Variants in RAI14 observed in about 807,000 individuals in gnomAD.
RAI14 encodes the protein retinoic acid induced 14, also known as ankycorbin.
RAI14 carries 45 observed loss-of-function variants against 115.4 expected under a neutral mutation model. That is an observed-to-expected ratio of 0.39 (90% CI 0.31 to 0.50). The LOEUF (loss-of-function observed/expected upper bound fraction) is 0.50, where lower values mean the gene tolerates loss of function less well. Among genes scored for constraint, RAI14 ranks in the 20% least tolerant of loss-of-function variants. The probability of loss-of-function intolerance (pLI) is 0.85; values close to 1 mark genes in which losing one functional copy is unlikely to be tolerated. For synonymous variants in RAI14, 371 were observed against 415.4 expected (o/e 0.89, Z 1.30); for missense variants, 939 against 1,131.2 (o/e 0.83, Z 2.44).
intron 4 of RAI14, among the ~76,000 whole-genome samples, chr5:34,799,533 C>G (rs1182758854): frequency 1.3e-5 from 1 of 76,148 alleles, no homozygotes; most frequent in Non-Finnish European, 2.7e-5. Flanking sequence ...CACACACACA[C>G]ACACACAAAA....
chr5:34,664,415 A>C lies in RAI14; in HGVS notation c.-49+7940A>C, dbSNP rs1235595534. 1.7e-4 allele frequency among the ~76,000 whole-genome samples: 7 copies of C among 42,358 alleles called. No homozygotes were observed. The Admixed American group carries it at 2.1e-3, about 13-fold the overall frequency. The allele number at this position is 42,358 out of a possible 152,430, so 27.8% of individuals were successfully genotyped here. A position where few individuals can be genotyped will look rare whatever the true frequency, so the allele number is the denominator to read the frequency against. On this transcript the variant is annotated intron_variant, in intron 1 of 17. Coordinates refer to ENST00000265109, the MANE Select transcript of RAI14 (RefSeq NM_015577.3). ...CTGGGTGACAGCGAGACACTGTCTC[A>C]AAAAAAAAAAAAAAAGGAAAGAAAA...
At chr5:34,686,775 C>T in intron 1 of RAI14, 97 bp from the exon 2 acceptor site, 1 of 658,030 alleles carries the variant, frequency 1.5e-6, no homozygotes, top group Non-Finnish European at 2.5e-6. Context: ...CCCAACGCAA[C>T]CCTGCTCTGT....
intron 4 of RAI14, among the ~76,000 whole-genome samples, chr5:34,801,510 G>A (rs1036278650): frequency 1.4e-4 from 22 of 152,134 alleles, no homozygotes; most frequent in Non-Finnish European, 1.3e-4. Flanking sequence ...GGGAGGCCAA[G>A]GTGGGTGGAT....
chr5:34,776,783 G>A (rs2150146679), intron 3 of RAI14, among the ~76,000 whole-genome samples: 1 of 149,942 alleles, frequency 6.7e-6, no homozygotes, highest in East Asian at 1.9e-4. Flanking sequence ...CTCCAGCCTG[G>A]GTGACAGAGT....
At chr5:34,765,904 G>A (rs1749282687) in intron 3 of RAI14, among the ~76,000 whole-genome samples, 1 of 152,230 alleles carries the variant, frequency 6.6e-6, no homozygotes. Flanking sequence ...TAAGGACTTG[G>A]TGCCCTGTGT....
chr5:34,757,303 G>T (rs1269410097), intron 2 of RAI14, 165 bp from the exon 3 acceptor site: 2 of 774,378 alleles, frequency 2.6e-6, no homozygotes, highest in South Asian at 2.8e-5. Context: ...GGCCTTCTTG[G>T]GTGTCTCCAT....
intron 1 of RAI14, among the ~76,000 whole-genome samples, chr5:34,666,560 GA>G (rs1223022077): frequency 2.0e-5 from 3 of 152,198 alleles, no homozygotes; most frequent in African/African-American, 7.2e-5. Context: ...GCTTCTGTGG[GA>G]AGTATTGTGC....
intron 2 of RAI14, among the ~76,000 whole-genome samples, chr5:34,709,786 A>C (rs542957477): frequency 2.0e-5 from 3 of 152,340 alleles, no homozygotes; most frequent in African/African-American, 7.2e-5. Context: ...GTTTAGAAGC[A>C]CTGATCTAGG....
intron 3 of RAI14, among the ~76,000 whole-genome samples, chr5:34,783,083 A>T (rs1232056577): frequency 6.6e-6 from 1 of 152,226 alleles, no homozygotes; most frequent in East Asian, 1.9e-4. Context: ...CATTATTGCC[A>T]GCCAAGATTG....
intron 3 of RAI14, among the ~76,000 whole-genome samples, chr5:34,780,271 T>C (rs541303960): frequency 1.1e-3 from 167 of 152,242 alleles, no homozygotes; most frequent in African/African-American, 3.7e-3. Context: ...ATAAAAACCC[T>C]AGAAGAAAAC....
intron 3 of RAI14, among the ~76,000 whole-genome samples, chr5:34,782,208 T>C (rs1211781318): frequency 2.6e-5 from 4 of 152,198 alleles, no homozygotes; most frequent in Non-Finnish European, 5.9e-5. Flanking sequence ...AGAGATTTTG[T>C]TTATGGCTAG....
At chr5:34,781,817 A>G (rs1326637359) in intron 3 of RAI14, among the ~76,000 whole-genome samples, 1 of 152,230 alleles carries the variant, frequency 6.6e-6, no homozygotes, top group Non-Finnish European at 1.5e-5. Flanking sequence ...ACCCAGCAGC[A>G]CTAGAGGAAT....
At chr5:34,721,516 T>C (rs1448586849) in intron 2 of RAI14, among the ~76,000 whole-genome samples, 1 of 151,950 alleles carries the variant, frequency 6.6e-6, no homozygotes, top group African/African-American at 2.4e-5. Context: ...GCAGGGAAAA[T>C]CATTAGCCAG....
At chr5:34,726,842 CTG>C (rs1160210738) in intron 2 of RAI14, among the ~76,000 whole-genome samples, 1 of 152,168 alleles carries the variant, frequency 6.6e-6, no homozygotes, top group East Asian at 1.9e-4. Context: ...TCATGCGTAA[CTG>C]TGAATTCATT....
At chr5:34,731,958 G>A (rs1210260940) in intron 2 of RAI14, among the ~76,000 whole-genome samples, 1 of 152,348 alleles carries the variant, frequency 6.6e-6, no homozygotes, top group Admixed American at 6.5e-5. Flanking sequence ...GAGCTCGGTG[G>A]AGTGGAGGGA....
intron 1 of RAI14, among the ~76,000 whole-genome samples, chr5:34,664,017 C>T (rs1742910560): frequency 6.6e-6 from 1 of 152,104 alleles, no homozygotes; most frequent in African/African-American, 2.4e-5. Context: ...GACCATATGT[C>T]ACACCGGGGC....
chr5:34,753,680 C>T (rs561968191), intron 2 of RAI14, among the ~76,000 whole-genome samples: 8 of 152,220 alleles, frequency 5.3e-5, no homozygotes, highest in South Asian at 4.1e-4. Flanking sequence ...CTTTGGGAGG[C>T]CACGGTGGGC....
chr5:34,730,844 G>A (rs1023533502), intron 2 of RAI14, among the ~76,000 whole-genome samples: 3 of 152,012 alleles, frequency 2.0e-5, no homozygotes, highest in East Asian at 1.9e-4. Context: ...TTAGCTGGGC[G>A]TGGTGGTGGG....
chr5:34,705,588 A>T (rs980999973), intron 2 of RAI14, among the ~76,000 whole-genome samples: 1 of 152,252 alleles, frequency 6.6e-6, no homozygotes, highest in East Asian at 1.9e-4. Context: ...CTTTATACCC[A>T]GGAGTCACCA....
Sources: gnomAD v4.1 joint callset for allele counts (sites outside exome capture counted in the v4.1 genomes callset) on GRCh38, gnomAD v4.1.1 for gene constraint, MANE v1.5 for transcripts, NCBI Gene and HGNC (gene_info 2026-07-23, HGNC 2026-07-21) for gene names.